Variants in RAB11FIP3 observed in about 807,000 individuals in gnomAD.
The protein encoded by RAB11FIP3 is RAB11 family interacting protein 3, also known as rab11 family-interacting protein 3.
In RAB11FIP3, 17 loss-of-function variants were observed where a neutral mutation model predicts 77.8. That is an observed-to-expected ratio of 0.22 (90% CI 0.15 to 0.33). The LOEUF is 0.33. Ranked by LOEUF, RAB11FIP3 falls within the 10% of genes least tolerant of loss-of-function variation. RAB11FIP3 has a pLI of 1.00. For synonymous variants in RAB11FIP3, 437 were observed against 448.2 expected, an observed-to-expected ratio of 0.98 and a Z score of 0.31; for missense variants, 1,005 against 1,011.2, an observed-to-expected ratio of 0.99 and a Z score of 0.08.
intron 9 of RAB11FIP3, among the ~76,000 whole-genome samples, chr16:511,448 A>G (rs1258727079): frequency 1.3e-4 from 14 of 108,908 alleles, no homozygotes; most frequent in South Asian, 7.2e-4. Flanking sequence ...GTTCCCCGAC[A>G]GTCCGCCAAC....
intron 4 of RAB11FIP3, among the ~76,000 whole-genome samples, chr16:487,417 C>T (rs555630384): frequency 2.2e-4 from 34 of 152,332 alleles, no homozygotes; most frequent in African/African-American, 7.2e-4. Flanking sequence ...CCACCGCCCC[C>T]GGCCCTGGTT....
intron 1 of RAB11FIP3, among the ~76,000 whole-genome samples, chr16:439,131 G>A (rs8054785): frequency 0.42 from 63,614 of 152,150 alleles, 14,946 homozygotes; most frequent in Middle Eastern, 0.54. Flanking sequence ...CACTACAGGT[G>A]TGCACCACTG....
intron 10 of RAB11FIP3, among the ~76,000 whole-genome samples, chr16:519,481 C>T (rs1212545311): frequency 6.6e-6 from 1 of 152,246 alleles, no homozygotes; most frequent in Non-Finnish European, 1.5e-5. Context: ...TGCCCACAGC[C>T]ACTGAGTCAG....
intron 1 of RAB11FIP3, among the ~76,000 whole-genome samples, chr16:428,872 A>G (rs1013004453): frequency 6.6e-6 from 1 of 152,162 alleles, no homozygotes; most frequent in East Asian, 1.9e-4. Context: ...TAGAAATGAG[A>G]CAAAATTCTT....
At chr16:478,690 G>T (rs1160941570) in intron 3 of RAB11FIP3, among the ~76,000 whole-genome samples, 2 of 152,198 alleles carry the variant, frequency 1.3e-5, no homozygotes, top group East Asian at 3.9e-4. Context: ...TGTTGGCTGG[G>T]CACGGTGGCT....
chr16:509,054 C>T (rs2032010918), intron 8 of RAB11FIP3, among the ~76,000 whole-genome samples: 1 of 152,154 alleles, frequency 6.6e-6, no homozygotes, highest in Admixed American at 6.5e-5. Flanking sequence ...CAGGCACCTG[C>T]CACCACATCC....
intron 1 of RAB11FIP3, among the ~76,000 whole-genome samples, chr16:432,897 C>T (rs1406347470): frequency 6.6e-6 from 1 of 151,488 alleles, no homozygotes; most frequent in Non-Finnish European, 1.5e-5. Context: ...AGCCATTGCC[C>T]CTAGCCTGAG....
chr16:452,219 C>G (rs2055420203), intron 1 of RAB11FIP3: 2 of 149,798 alleles, frequency 1.3e-5, no homozygotes, highest in Non-Finnish European at 3.0e-5. Context: ...CCTGTAGTCC[C>G]AGGTACTTGG....
intron 2 of RAB11FIP3, among the ~76,000 whole-genome samples, chr16:462,110 A>AAG (rs2055617079): frequency 1.3e-5 from 2 of 152,218 alleles, no homozygotes; most frequent in African/African-American, 4.8e-5. Flanking sequence ...GGAGCCTGTC[A>AAG]CGCACATCAC....
intron 1 of RAB11FIP3, among the ~76,000 whole-genome samples, chr16:444,016 C>T (rs2055271194): frequency 6.6e-6 from 1 of 152,164 alleles, no homozygotes; most frequent in Non-Finnish European, 1.5e-5. Flanking sequence ...TGTTCCTCTG[C>T]ATGTTAATAA....
At position 520,553 on chromosome 16, in the gene RAB11FIP3, T is replaced by C; in HGVS notation, c.2111T>C (p.Phe704Ser). 6.2e-7 allele frequency: 1 copy of C among 1,613,610 alleles called. No homozygotes were observed. The highest frequency in any genetic ancestry group is 1.1e-5 in the South Asian group (1 of 91,072). The change falls in exon 13 of 14, where the codon TTC (phenylalanine) becomes TCC (serine). Residue 704 changes from phenylalanine to serine, a missense_variant. Physicochemically the swap from Phe to Ser is radical, Grantham distance 155 (BLOSUM62 -2). Coordinates refer to ENST00000262305, the MANE Select transcript of RAB11FIP3 (RefSeq NM_014700.4). The stretch of plus-strand genomic sequence containing the variant: ...GCCAAGAGCCTCTTCTCCACAGCCT[T>C]CTCTGAGTCCCTGGCTGCAGAGATC... ...QGAKSLFSTA[F>S]SESLAAEISS...
intron 1 of RAB11FIP3, among the ~76,000 whole-genome samples, chr16:433,055 A>G (rs536353464): frequency 8.1e-5 from 8 of 98,586 alleles, no homozygotes; most frequent in African/African-American, 2.9e-4. Context: ...TTTTTTTGAG[A>G]CATAGTCTCT....
At chr16:476,203 G>A (rs1017165263) in intron 3 of RAB11FIP3, among the ~76,000 whole-genome samples, 4 of 152,192 alleles carry the variant, frequency 2.6e-5, no homozygotes, top group East Asian at 1.9e-4. Context: ...AGAGCGGAGC[G>A]TGTGAGTTCC....
intron 1 of RAB11FIP3, among the ~76,000 whole-genome samples, chr16:453,997 A>T (rs1434388788): frequency 6.6e-6 from 1 of 152,158 alleles, no homozygotes; most frequent in East Asian, 1.9e-4. Flanking sequence ...CTTTCTTCCA[A>T]ATTTCAATTT....
intron 2 of RAB11FIP3, among the ~76,000 whole-genome samples, chr16:467,223 A>G (rs2055715934): frequency 6.6e-6 from 1 of 152,178 alleles, no homozygotes. Flanking sequence ...TGCACCTGGC[A>G]TGTTTGGAGG....
intron 3 of RAB11FIP3, among the ~76,000 whole-genome samples, chr16:480,987 TC>T (rs2141722327): frequency 3.5e-5 from 4 of 115,196 alleles, no homozygotes; most frequent in African/African-American, 1.1e-4. Context: ...TTTTGTATTT[TC>T]AGTAGAGACG....
In RAB11FIP3 at chr16:482,529, A is replaced by T; in HGVS notation, c.908A>T (p.Asn303Ile). 6.2e-7 allele frequency: 1 copy of T among 1,613,452 alleles called. No homozygotes were observed. Among genetic ancestry groups the T allele is most frequent in the Non-Finnish European group, 8.5e-7 (1 of 1,180,018 alleles). The change falls in exon 4 of 14, where the codon AAC becomes ATC. Residue 303 changes from asparagine to isoleucine, a missense_variant. By Grantham distance (149) the Asn-to-Ile change is moderately radical. Around this residue, in one of 4 missense-constraint regions of RAB11FIP3, gnomAD observed 466 missense variants for 408.3 expected, o/e 1.14. Coordinates refer to ENST00000262305, the MANE Select transcript of RAB11FIP3 (RefSeq NM_014700.4). The stretch of plus-strand genomic sequence containing the variant: ...TGCTGGCGCACTCTCTCCTAGGCCA[A>T]CGAGGTGACGGACAGCGCGTACATG... ...EFDDFVTYEA[N>I]EVTDSAYMGS... is the part of the protein sequence containing the mutation.
intron 1 of RAB11FIP3, among the ~76,000 whole-genome samples, chr16:428,337 G>C (rs1162150762): frequency 6.6e-6 from 1 of 152,136 alleles, no homozygotes; most frequent in African/African-American, 2.4e-5. Context: ...TGCTGGTCCA[G>C]GTGTTTTGCT....
intron 9 of RAB11FIP3, among the ~76,000 whole-genome samples, chr16:512,402 G>A (rs867301030): frequency 7.3e-5 from 11 of 151,528 alleles, no homozygotes; most frequent in Admixed American, 3.3e-4. Context: ...CACCACGCCC[G>A]GCTAATTTTT....
Sources: gnomAD v4.1 joint callset for allele counts (sites outside exome capture counted in the v4.1 genomes callset) on GRCh38, gnomAD v4.1.1 for gene constraint, gnomAD v4.1.1 regional missense constraint, MANE v1.5 for transcripts, NCBI Gene and HGNC (gene_info 2026-07-23, HGNC 2026-07-21) for gene names.